Variants in IL1RAPL2 observed in about 807,000 individuals in gnomAD.
IL1RAPL2 encodes the protein X-linked interleukin-1 receptor accessory protein-like 2.
IL1RAPL2 carries 3 observed loss-of-function variants against 44.1 expected under a neutral mutation model. The ratio of observed to expected loss-of-function variants is 0.07; its 90% CI spans 0.03 to 0.18. The LOEUF (loss-of-function observed/expected upper bound fraction) is 0.18. Among genes scored for constraint, IL1RAPL2 ranks in the 10% least tolerant of loss-of-function variants. The pLI is 1.00. For missense variants in IL1RAPL2, 391 were observed against 496.4 expected (o/e 0.79, Z 2.02); for synonymous variants, 181 against 178.8 (o/e 1.01, Z -0.10).
At chrX:104,953,506 C>G (rs1159747030) in intron 2 of IL1RAPL2, among the ~76,000 whole-genome samples, 2 of 111,376 alleles carry the variant, frequency 1.8e-5, no homozygotes, top group Non-Finnish European at 3.8e-5. Context: ...GATGTTAAAA[C>G]AATATGAAAT....
At chrX:105,227,314 ATAAACT>A (rs1724027306) in intron 3 of IL1RAPL2, among the ~76,000 whole-genome samples, 2 of 112,325 alleles carry the variant, frequency 1.8e-5, no homozygotes, top group Admixed American at 1.9e-4. Flanking sequence ...AAAAATGTAC[ATAAACT>A]TAAAACCTAT....
intron 2 of IL1RAPL2, among the ~76,000 whole-genome samples, chrX:104,700,488 C>T (rs760172765): frequency 1.3e-4 from 14 of 111,754 alleles, no homozygotes; most frequent in Non-Finnish European, 2.4e-4. Flanking sequence ...TCTAGTTTTA[C>T]GGCATGGCAT....
At chrX:105,368,002 A>G (rs2035308728) in intron 5 of IL1RAPL2, among the ~76,000 whole-genome samples, 1 of 110,526 alleles carries the variant, frequency 9.0e-6, no homozygotes, top group South Asian at 3.8e-4. Flanking sequence ...TTTGAAGGAC[A>G]AGATTGCAGG....
chrX:104,822,132 T>C lies in IL1RAPL2; in HGVS notation c.82+163137T>C, dbSNP rs770358520. On this transcript the variant is annotated intron_variant, in intron 2 of 10. Coordinates refer to ENST00000372582, the MANE Select transcript of IL1RAPL2 (RefSeq NM_017416.2). ...TGTTGTTGTAAATTTAAGTTCCTTGTAGATTCTGGATATTAGCCCTTTGTC... is the reference window on the plus strand; with the variant it reads ...TGTTGTTGTAAATTTAAGTTCCTTGCAGATTCTGGATATTAGCCCTTTGTC... Among the ~76,000 whole-genome samples the C allele has an allele frequency of 4.5e-5, 5 of 111,923 alleles. No individual in the cohort carries two copies. The South Asian group carries it at 1.1e-3, about 25-fold the overall frequency.
At chrX:104,602,793 G>A (rs931055068) in intron 1 of IL1RAPL2, among the ~76,000 whole-genome samples, 2 of 111,432 alleles carry the variant, frequency 1.8e-5, no homozygotes, top group Admixed American at 9.5e-5. Context: ...TCTACTCTGG[G>A]CAGGCATCTC....
chrX:104,745,791 C>T (rs1932164148), intron 2 of IL1RAPL2, among the ~76,000 whole-genome samples: 1 of 111,250 alleles, frequency 9.0e-6, no homozygotes, highest in Non-Finnish European at 1.9e-5. Context: ...CTAAATGACT[C>T]AGCTGTTTAA....
chrX:104,864,907 T>G (rs1007475283), intron 2 of IL1RAPL2, among the ~76,000 whole-genome samples: 1 of 110,983 alleles, frequency 9.0e-6, no homozygotes, highest in Non-Finnish European at 1.9e-5. Flanking sequence ...ACTGTGGTCC[T>G]CCAGTTAAAG....
At chrX:104,934,544 C>T (rs766351881) in intron 2 of IL1RAPL2, among the ~76,000 whole-genome samples, 12 of 110,686 alleles carry the variant, frequency 1.1e-4, no homozygotes, top group African/African-American at 2.0e-4. Flanking sequence ...GTGAAAAAGA[C>T]GAAGATATGA....
intron 2 of IL1RAPL2, among the ~76,000 whole-genome samples, chrX:104,892,211 G>A (rs1321399257): frequency 9.0e-6 from 1 of 111,414 alleles, no homozygotes; most frequent in East Asian, 2.8e-4. Flanking sequence ...ATTTTATTGA[G>A]GATTTTTGCA....
intron 1 of IL1RAPL2, among the ~76,000 whole-genome samples, chrX:104,590,527 A>G (rs1043828560): frequency 6.2e-5 from 7 of 112,004 alleles, no homozygotes; most frequent in African/African-American, 2.3e-4. Context: ...TTCTTCCCCT[A>G]TCTAAATAGA....
chrX:104,892,688 T>G (rs1400161898), intron 2 of IL1RAPL2, among the ~76,000 whole-genome samples: 2 of 111,848 alleles, frequency 1.8e-5, no homozygotes, highest in Non-Finnish European at 3.8e-5. Flanking sequence ...TCCCTTTTCT[T>G]CTTTATTAGT....
intron 2 of IL1RAPL2, among the ~76,000 whole-genome samples, chrX:104,840,134 T>C (rs1471068112): frequency 8.9e-6 from 1 of 111,888 alleles, no homozygotes; most frequent in East Asian, 2.8e-4. Flanking sequence ...CTTGCTTCTC[T>C]AGTTCTTTTA....
At chrX:104,862,053 C>T (rs1264400919) in intron 2 of IL1RAPL2, among the ~76,000 whole-genome samples, 2 of 110,702 alleles carry the variant, frequency 1.8e-5, no homozygotes, top group African/African-American at 6.6e-5. Context: ...CCTACATAAA[C>T]ACCCAGTAGC....
At chrX:105,501,003 T>G in intron 6 of IL1RAPL2, among the ~76,000 whole-genome samples, 1 of 112,025 alleles carries the variant, frequency 8.9e-6, no homozygotes, top group East Asian at 2.8e-4. Flanking sequence ...AGTTTTTAAT[T>G]ATATCTTCAT....
chrX:104,597,972 TTGAC>T (rs777960430), intron 1 of IL1RAPL2, among the ~76,000 whole-genome samples: 12 of 112,266 alleles, frequency 1.1e-4, no homozygotes, highest in East Asian at 2.8e-4. Flanking sequence ...TGTCTATAAA[TTGAC>T]TGACTGAAAA....
chrX:104,877,317 A>C (rs180768634), intron 2 of IL1RAPL2, among the ~76,000 whole-genome samples: 1,372 of 110,860 alleles, frequency 0.012, 8 homozygotes, highest in Non-Finnish European at 0.018. Flanking sequence ...TGACTTCCAC[A>C]ATGGTTGAAC....
intron 6 of IL1RAPL2, among the ~76,000 whole-genome samples, chrX:105,625,257 G>A (rs1180630331): frequency 1.8e-5 from 2 of 112,014 alleles, no homozygotes; most frequent in African/African-American, 3.2e-5. Context: ...GTAGCAAAAT[G>A]CTAATTAATC....
intron 5 of IL1RAPL2, among the ~76,000 whole-genome samples, chrX:105,446,669 C>T: frequency 9.0e-6 from 1 of 110,881 alleles, no homozygotes; most frequent in South Asian, 3.8e-4. Context: ...AAGAAACCAG[C>T]ATGCAGGAAA....
intron 2 of IL1RAPL2, among the ~76,000 whole-genome samples, chrX:105,155,231 A>G (rs888558702): frequency 9.0e-6 from 1 of 111,543 alleles, no homozygotes; most frequent in African/African-American, 3.3e-5. Context: ...GAATATAACT[A>G]TAATAAATTA....
Sources: gnomAD v4.1 joint callset for allele counts (sites outside exome capture counted in the v4.1 genomes callset) on GRCh38, gnomAD v4.1.1 for gene constraint, MANE v1.5 for transcripts, NCBI Gene and HGNC (gene_info 2026-07-23, HGNC 2026-07-21) for gene names.